The following CAPN14 variants were observed in gnomAD, a reference collection of about 807,000 sequenced individuals.
The protein encoded by CAPN14 is calpain-14.
CAPN14 carries 94 observed loss-of-function variants against 101.3 expected under a neutral mutation model. The ratio of observed to expected loss-of-function variants is 0.93; its 90% CI spans 0.79 to 1.10. The LOEUF (loss-of-function observed/expected upper bound fraction) is 1.10. Among genes scored for constraint, CAPN14 ranks in the 50% least tolerant of loss-of-function variants. The probability of loss-of-function intolerance (pLI) is 0.00; values close to 1 mark genes in which losing one functional copy is unlikely to be tolerated. For synonymous variants in CAPN14, 338 were observed against 317.9 expected (o/e 1.06, Z -0.67); for missense variants, 837 against 828.4 (o/e 1.01, Z -0.13).
chr2:31,174,613 T>A lies in CAPN14; in HGVS notation c.*68A>T. The A allele has an allele frequency of 6.6e-7, 1 of 1,517,188 alleles. No homozygotes were observed. The highest frequency in any genetic ancestry group is 9.0e-7 in the Non-Finnish European group (1 of 1,116,748). The allele number at this position is 1,517,188 out of a possible 1,614,324, so 94.0% of individuals were successfully genotyped here. A position where few individuals can be genotyped will look rare whatever the true frequency, so the allele number is the denominator to read the frequency against. ...AGTAAGTAGGGTGGGCATGGGTTGGTCTCAGCCAAAGGCTGCTCTTGGGCC... is the reference window on the plus strand; with the variant it reads ...AGTAAGTAGGGTGGGCATGGGTTGGACTCAGCCAAAGGCTGCTCTTGGGCC... On this transcript the variant is annotated 3_prime_UTR_variant, in exon 22 of 22. Transcript: ENST00000403897.
upstream of CAPN14, chr2:31,233,950 A>G (rs1308442833): frequency 6.5e-6 from 1 of 152,924 alleles, no homozygotes; most frequent in Non-Finnish European, 1.5e-5. Flanking sequence ...GCACTCTCCC[A>G]CTGGACTGGG....
rs1240594079 is a variant in CAPN14 at position 31,205,436 on chromosome 2, C to G, written c.12G>C (p.Trp4Cys). MSL[W>C]PPFRCRWKLA... ...GCTTCCATCTGCATCGGAAAGGTGG[C>G]CACAGAGACATGGCAGGTGGTGGGT... Residue 4 changes from tryptophan to cysteine, a missense_variant, in exon 2 of 22, where the codon TGG becomes TGC. By Grantham distance (215) the Trp-to-Cys change is radical. Transcript: ENST00000403897. The G allele has an allele frequency of 6.4e-7, 1 of 1,551,530 alleles. No homozygotes were observed. The highest frequency in any genetic ancestry group is 1.2e-5 in the South Asian group (1 of 84,050).
chr2:31,215,516 T>C (rs925966725), intron 1 of CAPN14, among the ~76,000 whole-genome samples: 3 of 152,162 alleles, frequency 2.0e-5, no homozygotes, highest in African/African-American at 7.2e-5. Context: ...TGTCCAAACT[T>C]ACAAAGGAGA....
At chr2:31,204,590 A>G (rs1053246628) in intron 2 of CAPN14, among the ~76,000 whole-genome samples, 2 of 152,118 alleles carry the variant, frequency 1.3e-5, no homozygotes, top group African/African-American at 4.8e-5. Flanking sequence ...CCTAGGTAAT[A>G]AAGCCTCTAT....
In CAPN14 at chr2:31,229,735, T is replaced by C. The variant is rs1245147091; in HGVS notation, c.-176-3084A>G. 2.0e-5 allele frequency among the ~76,000 whole-genome samples: 3 copies of C among 150,078 alleles called. No individual in the cohort carries two copies. In the South Asian group the frequency reaches 6.3e-4, roughly 32 times the overall value. On this transcript the variant is annotated intron_variant and NMD_transcript_variant, in intron 1 of 21. Transcript: ENST00000398824. Reference sequence around the variant, plus strand: ...AAGAAAGAAAACAGTGTATATATAGTATATAGCTGAAGCTCCCTGTGTACC... The same window carrying C: ...AAGAAAGAAAACAGTGTATATATAGCATATAGCTGAAGCTCCCTGTGTACC...
At chr2:31,212,796 G>C (rs764008491) in intron 1 of CAPN14, among the ~76,000 whole-genome samples, 3 of 152,238 alleles carry the variant, frequency 2.0e-5, no homozygotes, top group Non-Finnish European at 4.4e-5. Context: ...CTACAGGGTA[G>C]AGTCAGGTCT....
At chr2:31,191,786 CAT>C in intron 11 of CAPN14, 147 bp downstream of exon 11, 1 of 724,238 alleles carries the variant, frequency 1.4e-6, no homozygotes, top group Non-Finnish European at 2.2e-6. Flanking sequence ...TTCTAAATCA[CAT>C]GTTCCTAAAG....
intron 21 of CAPN14, 32 bp from the exon 22 acceptor site, chr2:31,174,739 G>A: frequency 6.4e-7 from 1 of 1,551,206 alleles, no homozygotes; most frequent in South Asian, 1.2e-5. Flanking sequence ...ATGATGGTCA[G>A]TTCAGACCCA....
At chr2:31,229,867 C>T (rs1683136825) in intron 1 of CAPN14, among the ~76,000 whole-genome samples, 1 of 152,160 alleles carries the variant, frequency 6.6e-6, no homozygotes, top group Non-Finnish European at 1.5e-5. Context: ...CACACATATG[C>T]ATCCATGAAC....
chr2:31,200,484 G>A lies in CAPN14; in HGVS notation c.693C>T (p.Asn231=). The A allele has an allele frequency of 6.4e-7, 1 of 1,550,882 alleles. No homozygotes were observed. The highest frequency in any genetic ancestry group is 8.7e-7 in the Non-Finnish European group (1 of 1,146,966). ...GGGTCTGGCAGCCAATGAGGGTTCT[G>A]TTGTAGGTGGCTTCGATGAGGATGT... The part of the protein sequence containing the change: ...LWDILIEATY[N]RTLIGCQTHS... Residue 231 remains asparagine, a synonymous_variant, in exon 6 of 22, where the codon AAC becomes AAT. Transcript: ENST00000403897.
chr2:31,198,362 A>T (rs1011865872), intron 7 of CAPN14, among the ~76,000 whole-genome samples: 7 of 143,214 alleles, frequency 4.9e-5, no homozygotes, highest in African/African-American at 1.8e-4. Flanking sequence ...AGCTGTTCTG[A>T]CCACCTTGGG....
At chr2:31,224,156 C>A (rs1682950335) in intron 2 of CAPN14, among the ~76,000 whole-genome samples, 1 of 152,140 alleles carries the variant, frequency 6.6e-6, no homozygotes, top group Non-Finnish European at 1.5e-5. Context: ...TTGTGGCTAT[C>A]AATAGAGAAC....
chr2:31,199,616 C>T, intron 6 of CAPN14, 84 bp from the exon 7 acceptor site: 1 of 1,148,828 alleles, frequency 8.7e-7, no homozygotes, highest in Admixed American at 2.3e-5. Flanking sequence ...TTGGCTGGAG[C>T]AGGGGTTTAT....
chr2:31,206,715 C>T (rs1232480705), intron 1 of CAPN14, among the ~76,000 whole-genome samples: 1 of 152,150 alleles, frequency 6.6e-6, no homozygotes, highest in Non-Finnish European at 1.5e-5. Context: ...TTTGATAACC[C>T]AGCTACAAAA....
intron 1 of CAPN14, among the ~76,000 whole-genome samples, chr2:31,211,258 GAGGA>G (rs1451296089): frequency 6.6e-6 from 1 of 150,658 alleles, no homozygotes; most frequent in Non-Finnish European, 1.5e-5. Flanking sequence ...GAGAGGGAGG[GAGGA>G]AGGAAGGGTC....
At chr2:31,206,029 TA>T (rs145795397) in intron 1 of CAPN14, among the ~76,000 whole-genome samples, 7,388 of 125,652 alleles carry the variant, frequency 0.059, 526 homozygotes, top group African/African-American at 0.073. Flanking sequence ...TTATTTTTTT[TA>T]TTTATTTATT....
At chr2:31,192,256 C>T (rs771367436) in intron 10 of CAPN14, among the ~76,000 whole-genome samples, 158 bp from the exon 11 acceptor site, 3 of 152,132 alleles carry the variant, frequency 2.0e-5, no homozygotes, top group Admixed American at 6.5e-5. Context: ...CTTGGATTTA[C>T]GCCCTCCCAC....
chr2:31,193,420 T>G, intron 9 of CAPN14, 126 bp from the exon 10 acceptor site: 153 of 947,720 alleles, frequency 1.6e-4, no homozygotes, highest in East Asian at 2.1e-4. Context: ...ACACCAGCTC[T>G]TGTGCAGAGC....
At chr2:31,217,551 T>C (rs185745276), upstream of CAPN14, 8 of 152,194 alleles carry the variant, frequency 5.3e-5, no homozygotes, top group South Asian at 2.1e-4. Flanking sequence ...TATATATGGG[T>C]CCTTTCTACA....
Sources: gnomAD v4.1 joint callset for allele counts (sites outside exome capture counted in the v4.1 genomes callset) on GRCh38, gnomAD v4.1.1 for gene constraint, MANE v1.5 for transcripts, NCBI Gene and HGNC (gene_info 2026-07-23, HGNC 2026-07-21) for gene names.